ASIC2: variants seen among roughly 807,000 people sequenced by gnomAD.
ASIC2 encodes acid sensing ion channel subunit 2.
A neutral mutation model predicts 57.3 loss-of-function variants in ASIC2; 25 were observed. The observed-to-expected ratio is 0.44, with a 90% CI of 0.32 to 0.61. The LOEUF is 0.61. Among genes scored for constraint, ASIC2 ranks in the 20% least tolerant of loss-of-function variants. The probability of loss-of-function intolerance (pLI) is 0.06; values close to 1 mark genes in which losing one functional copy is unlikely to be tolerated. For synonymous variants in ASIC2, 319 were observed against 307.5 expected (o/e 1.04, Z -0.39); for missense variants, 641 against 738.1 (o/e 0.87, Z 1.52).
At chr17:33,114,283 T>C (rs984408638) in intron 1 of ASIC2, among the ~76,000 whole-genome samples, 1 of 152,228 alleles carries the variant, frequency 6.6e-6, no homozygotes. Flanking sequence ...CAATTGAACT[T>C]GGCAAATGAA....
chr17:33,654,645 C>T (rs1282334666), intron 1 of ASIC2, among the ~76,000 whole-genome samples: 1 of 152,218 alleles, frequency 6.6e-6, no homozygotes, highest in African/African-American at 2.4e-5. Context: ...AGCCAATGTG[C>T]TTGGCACAAT....
rs375402810 is a variant in ASIC2, at chr17:33,706,814, C to T, written c.555+449164G>A. ...GGGAAACATCTTTCCTAGATCTCCT[C>T]ATCTTCTTGGTTCAATAAGAAGTGG... On this transcript the variant is annotated intron_variant, in intron 1 of 9. Transcript: ENST00000359872. Among the ~76,000 whole-genome samples the T allele has an allele frequency of 7.2e-5, 11 of 152,306 alleles. No individual in the cohort carries two copies. In the East Asian group the frequency reaches 1.9e-3, roughly 27 times the overall value.
chr17:33,894,079 A>G (rs997948555), intron 1 of ASIC2, among the ~76,000 whole-genome samples: 2 of 151,986 alleles, frequency 1.3e-5, no homozygotes, highest in Admixed American at 6.6e-5. Flanking sequence ...GGACTTCCCA[A>G]CTCTGTGCTA....
intron 1 of ASIC2, among the ~76,000 whole-genome samples, chr17:33,113,459 T>C (rs1946092317): frequency 6.6e-6 from 1 of 152,188 alleles, no homozygotes; most frequent in South Asian, 2.1e-4. Context: ...AGGCTGACTG[T>C]ATTGGATTCC....
At chr17:34,099,762 GAA>G (rs61565706) in intron 1 of ASIC2, among the ~76,000 whole-genome samples, 3 of 20,596 alleles carry the variant, frequency 1.5e-4, no homozygotes, top group Non-Finnish European at 4.1e-4. Flanking sequence ...AAGAAAGAAA[GAA>G]AGAAAGAAAG....
At chr17:33,618,046 C>A (rs1905662452) in intron 1 of ASIC2, among the ~76,000 whole-genome samples, 1 of 152,104 alleles carries the variant, frequency 6.6e-6, no homozygotes, top group African/African-American at 2.4e-5. Flanking sequence ...CTAGTAGACT[C>A]CTTCTCAGAC....
At chr17:33,731,341 A>G (rs576303623) in intron 1 of ASIC2, among the ~76,000 whole-genome samples, 1 of 152,332 alleles carries the variant, frequency 6.6e-6, no homozygotes, top group Admixed American at 6.5e-5. Flanking sequence ...GGAGGTCAGA[A>G]CATCATTTGG....
chr17:33,824,291 A>C (rs2141895177), intron 1 of ASIC2, among the ~76,000 whole-genome samples: 1 of 152,330 alleles, frequency 6.6e-6, no homozygotes, highest in South Asian at 2.1e-4. Flanking sequence ...AAGGACTATG[A>C]AGGACATCTG....
At chr17:33,665,918 G>T (rs545898441) in intron 1 of ASIC2, among the ~76,000 whole-genome samples, 1 of 152,208 alleles carries the variant, frequency 6.6e-6, no homozygotes, top group South Asian at 2.1e-4. Context: ...GCCCAGGCTG[G>T]GTTAGGGGCC....
At chr17:33,520,780 G>T (rs1173052667) in intron 1 of ASIC2, among the ~76,000 whole-genome samples, 1 of 152,230 alleles carries the variant, frequency 6.6e-6, no homozygotes, top group East Asian at 1.9e-4. Flanking sequence ...CTGTCTTGGA[G>T]TTCTGAGATA....
intron 1 of ASIC2, among the ~76,000 whole-genome samples, chr17:34,061,722 C>T (rs1908976603): frequency 6.6e-6 from 1 of 151,910 alleles, no homozygotes; most frequent in Non-Finnish European, 1.5e-5. Flanking sequence ...ACACGGGTAG[C>T]TATTCTTATA....
chr17:34,027,140 A>T (rs1287262931), intron 1 of ASIC2, among the ~76,000 whole-genome samples: 1 of 152,222 alleles, frequency 6.6e-6, no homozygotes, highest in East Asian at 1.9e-4. Flanking sequence ...AAGGTGATAA[A>T]TGTAGTTCAA....
chr17:34,083,467 G>C (rs1422263351), intron 1 of ASIC2, among the ~76,000 whole-genome samples: 1 of 151,452 alleles, frequency 6.6e-6, no homozygotes, highest in Non-Finnish European at 1.5e-5. Context: ...ATTGTGAATA[G>C]TGCCACAATA....
chr17:34,130,999 G>C (rs1911937607), intron 1 of ASIC2, among the ~76,000 whole-genome samples: 1 of 152,202 alleles, frequency 6.6e-6, no homozygotes, highest in South Asian at 2.1e-4. Context: ...CTGCATTGGA[G>C]ATGGACATTA....
At chr17:33,315,212 T>C (rs1480971037) in intron 1 of ASIC2, among the ~76,000 whole-genome samples, 1 of 152,198 alleles carries the variant, frequency 6.6e-6, no homozygotes, top group Non-Finnish European at 1.5e-5. Flanking sequence ...GGGTACTGAA[T>C]GCACAATTAA....
chr17:33,352,803 C>A (rs569764357), intron 1 of ASIC2, among the ~76,000 whole-genome samples: 1 of 152,300 alleles, frequency 6.6e-6, no homozygotes, highest in Admixed American at 6.5e-5. Flanking sequence ...CCATCCTGTG[C>A]AGTTTCTCTT....
At chr17:33,497,873 A>G (rs755185629) in intron 1 of ASIC2, among the ~76,000 whole-genome samples, 1 of 152,234 alleles carries the variant, frequency 6.6e-6, no homozygotes, top group Non-Finnish European at 1.5e-5. Flanking sequence ...CTAGAAGGCC[A>G]GATATGGGCA....
intron 1 of ASIC2, among the ~76,000 whole-genome samples, chr17:33,314,606 G>A (rs1412636971): frequency 6.6e-6 from 1 of 152,146 alleles, no homozygotes; most frequent in Non-Finnish European, 1.5e-5. Context: ...TTGATGTCAG[G>A]ATTTTCACAT....
chr17:33,045,537 A>G lies in ASIC2; in HGVS notation c.988-17145T>C, dbSNP rs553837965. 6.6e-4 allele frequency among the ~76,000 whole-genome samples: 101 copies of G among 152,188 alleles called. 1 individual carries two copies. Among genetic ancestry groups the G allele is most frequent in the African/African-American group, 2.3e-3 (97 of 41,538 alleles). ...GAGTTACGCAGGTGTGGCTTGGCTA[A>G]TGGGGGGCTGGCCAGGCACTTTACC... On this transcript the variant is annotated intron_variant, in intron 3 of 9. Transcript: ENST00000225823.
Sources: gnomAD v4.1 joint callset for allele counts (sites outside exome capture counted in the v4.1 genomes callset) on GRCh38, gnomAD v4.1.1 for gene constraint, MANE v1.5 for transcripts, NCBI Gene and HGNC (gene_info 2026-07-23, HGNC 2026-07-21) for gene names.